The following MYO9B variants were observed in gnomAD, a reference collection of about 807,000 sequenced individuals.
MYO9B encodes the protein myosin IXB, also known as unconventional myosin-IXb.
In MYO9B, 71 loss-of-function variants were observed where a neutral mutation model predicts 229.5. The ratio of observed to expected loss-of-function variants is 0.31; its 90% CI spans 0.26 to 0.38. The LOEUF is 0.38. MYO9B is among the 10% of genes least tolerant of loss of function. MYO9B has a pLI of 1.00. For synonymous variants in MYO9B, 1,185 were observed against 1,235.8 expected, an observed-to-expected ratio of 0.96 and a Z score of 0.86; for missense variants, 2,255 against 2,920.5, an observed-to-expected ratio of 0.77 and a Z score of 5.25.
intron 22 of MYO9B, among the ~76,000 whole-genome samples, 157 bp from the exon 23 acceptor site, chr19:17,197,635 C>T (rs1427700507): frequency 2.6e-5 from 4 of 152,198 alleles, no homozygotes; most frequent in African/African-American, 9.7e-5. Context: ...TCCTTTCCCC[C>T]CACCCAAGTG....
In MYO9B at chr19:17,120,571, G is replaced by A. The variant is rs531506485; in HGVS notation, c.840+18014G>A. ...GATCGTTTGAGCCTAGGAGGCAGAGGTTATAGTTGGTGAGCCATGATCATG... is the reference window on the plus strand; with the variant it reads ...GATCGTTTGAGCCTAGGAGGCAGAGATTATAGTTGGTGAGCCATGATCATG... On this transcript the variant is annotated intron_variant, in intron 2 of 39. Transcript: ENST00000682292. 2.0e-5 allele frequency among the ~76,000 whole-genome samples: 3 copies of A among 147,606 alleles called. No individual in the cohort carries two copies. The East Asian group carries it at 6.0e-4, about 30-fold the overall frequency.
At chr19:17,147,672 ATTTTTTTTTTTTT>A (rs1027030377) in intron 3 of MYO9B, among the ~76,000 whole-genome samples, 6 of 81,206 alleles carry the variant, frequency 7.4e-5, no homozygotes, top group Admixed American at 3.0e-4. Context: ...ACTATGTTTA[ATTTTTTTTTTTTT>A]TTTTTTTTTT....
intron 28 of MYO9B, 56 bp downstream of exon 28, chr19:17,202,359 C>T (rs998697880): frequency 2.2e-5 from 32 of 1,465,622 alleles, no homozygotes; most frequent in East Asian, 1.1e-4. Flanking sequence ...ACCCATGCCT[C>T]GCCATCCTTA....
At chr19:17,109,816 C>T (rs537652095) in intron 2 of MYO9B, among the ~76,000 whole-genome samples, 2 of 152,342 alleles carry the variant, frequency 1.3e-5, no homozygotes, top group African/African-American at 4.8e-5. Context: ...ATGGGATCAC[C>T]TCATCTCAAA....
intron 2 of MYO9B, among the ~76,000 whole-genome samples, chr19:17,135,637 C>T (rs1291442692): frequency 2.6e-5 from 4 of 152,138 alleles, no homozygotes; most frequent in Admixed American, 6.6e-5. Flanking sequence ...GTGCTGAGAC[C>T]GCATACCAGA....
At chr19:17,211,420 G>T (rs925407290) in intron 38 of MYO9B, among the ~76,000 whole-genome samples, 3 of 152,118 alleles carry the variant, frequency 2.0e-5, no homozygotes, top group African/African-American at 4.8e-5. Context: ...CACAGGTGGT[G>T]CACACCACCA....
chr19:17,105,661 C>T lies in MYO9B; in HGVS notation c.840+3104C>T, dbSNP rs2057786297. On this transcript the variant is annotated intron_variant, in intron 2 of 39. Transcript: ENST00000682292. ...AGTTGGGGGCAGGGTCAGACCCCAC[C>T]CTTTCTGGAGCCTTGACCTCTCGCC... 2.0e-5 allele frequency among the ~76,000 whole-genome samples: 3 copies of T among 152,092 alleles called. No individual in the cohort carries two copies. The South Asian group carries it at 6.2e-4, about 32-fold the overall frequency.
intron 7 of MYO9B, 50 bp from the exon 8 acceptor site, chr19:17,159,345 T>C (rs370137815): frequency 1.7e-5 from 25 of 1,505,806 alleles, no homozygotes; most frequent in Non-Finnish European, 2.0e-5. Flanking sequence ...ACATGCCTGA[T>C]AAGTCCTCCA....
At chr19:17,104,857 T>A (rs1039343809) in intron 2 of MYO9B, among the ~76,000 whole-genome samples, 1 of 152,144 alleles carries the variant, frequency 6.6e-6, no homozygotes, top group African/African-American at 2.4e-5. Flanking sequence ...TTATTTATAT[T>A]TTGCATTCGT....
chr19:17,133,667 G>A (rs1308938010), intron 2 of MYO9B, among the ~76,000 whole-genome samples: 8 of 152,020 alleles, frequency 5.3e-5, no homozygotes, highest in Non-Finnish European at 1.0e-4. Context: ...GCCCAGGCTG[G>A]TCTCAAACTC....
At chr19:17,084,409 T>C (rs528198999) in intron 1 of MYO9B, among the ~76,000 whole-genome samples, 22 of 152,190 alleles carry the variant, frequency 1.4e-4, no homozygotes, top group Admixed American at 1.4e-3. Context: ...ATCAATTTTT[T>C]TCCAAATAAT....
intron 14 of MYO9B, among the ~76,000 whole-genome samples, chr19:17,179,094 T>C (rs1269019175): frequency 2.7e-5 from 4 of 146,958 alleles, no homozygotes; most frequent in Admixed American, 1.4e-4. Flanking sequence ...TTCTCTGGGG[T>C]GGGCACCCGT....
intron 15 of MYO9B, among the ~76,000 whole-genome samples, chr19:17,183,497 G>A (rs1486034200): frequency 1.3e-5 from 2 of 152,198 alleles, no homozygotes; most frequent in Non-Finnish European, 2.9e-5. Flanking sequence ...CTGGATGCAC[G>A]TCCCACCCTG....
intron 10 of MYO9B, among the ~76,000 whole-genome samples, chr19:17,165,588 T>A (rs1206690972): frequency 6.6e-6 from 1 of 150,764 alleles, no homozygotes; most frequent in Admixed American, 6.6e-5. Context: ...AAAAAAAAAA[T>A]TTGAGATGGA....
chr19:17,146,062 A>G (rs767100664), intron 3 of MYO9B, among the ~76,000 whole-genome samples: 11 of 149,686 alleles, frequency 7.3e-5, no homozygotes, highest in Admixed American at 2.7e-4. Context: ...TGGATGGATG[A>G]ATTCATGCAT....
chr19:17,153,907 C>G, intron 4 of MYO9B, 60 bp from the exon 5 acceptor site: 1 of 1,262,046 alleles, frequency 7.9e-7, no homozygotes, highest in Non-Finnish European at 1.2e-6. Flanking sequence ...TAGTGGTTCG[C>G]AGAGTAGCTA....
intron 1 of MYO9B, among the ~76,000 whole-genome samples, chr19:17,089,519 G>A (rs900893060): frequency 2.0e-5 from 3 of 152,080 alleles, no homozygotes; most frequent in Non-Finnish European, 4.4e-5. Flanking sequence ...CGAATCCTCC[G>A]CCAAACTGGT....
At chr19:17,134,079 GTT>G (rs1054212957) in intron 2 of MYO9B, among the ~76,000 whole-genome samples, 1 of 151,324 alleles carries the variant, frequency 6.6e-6, no homozygotes. Context: ...ACTTCTGTGA[GTT>G]TTTTTTTGGA....
At chr19:17,181,099 C>T (rs1029537304) in intron 15 of MYO9B, 59 bp downstream of exon 15, 9 of 1,248,434 alleles carry the variant, frequency 7.2e-6, no homozygotes, top group East Asian at 7.2e-5. Flanking sequence ...ACTACTCCTG[C>T]GACCCCGGCG....
Sources: gnomAD v4.1 joint callset for allele counts (sites outside exome capture counted in the v4.1 genomes callset) on GRCh38, gnomAD v4.1.1 for gene constraint, MANE v1.5 for transcripts, NCBI Gene and HGNC (gene_info 2026-07-23, HGNC 2026-07-21) for gene names.